The following INSL6 variants were observed in gnomAD, a reference collection of about 807,000 sequenced individuals.
The protein encoded by INSL6 is insulin-like peptide INSL6.
Under a neutral mutation model 9.4 loss-of-function variants are expected in INSL6, and 16 were observed. That is an observed-to-expected ratio of 1.70 (90% CI 1.15 to 2.59). INSL6 has a LOEUF of 2.59. Ranked by LOEUF, INSL6 falls within the 30% of genes most tolerant of loss-of-function variation. The probability of loss-of-function intolerance (pLI) is 0.00; values close to 1 mark genes in which losing one functional copy is unlikely to be tolerated. For missense variants in INSL6, 391 were observed against 257.3 expected (o/e 1.52, Z -3.56); for synonymous variants, 154 against 96.9 (o/e 1.59, Z -3.46).
At chr9:5,128,816 A>G (rs1471765381) in intron 3 of INSL6, among the ~76,000 whole-genome samples, 1 of 152,030 alleles carries the variant, frequency 6.6e-6, no homozygotes, top group Non-Finnish European at 1.5e-5. Context: ...TGTACAAGAA[A>G]CAGGTAAGTA....
At chr9:5,065,234 T>C in the INSL6 span, among the ~76,000 whole-genome samples, 1 of 152,352 alleles carries the variant, frequency 6.6e-6, no homozygotes, top group South Asian at 2.1e-4. Flanking sequence ...TGTATCCCAA[T>C]CTATAATATT....
chr9:5,083,864 G>T, the INSL6 span, among the ~76,000 whole-genome samples: 1 of 152,080 alleles, frequency 6.6e-6, no homozygotes, highest in Non-Finnish European at 1.5e-5. Flanking sequence ...TCCATTTGTT[G>T]TAGTCTCTGC....
chr9:4,994,469 G>A, the INSL6 span, among the ~76,000 whole-genome samples: 1 of 152,162 alleles, frequency 6.6e-6, no homozygotes, highest in Non-Finnish European at 1.5e-5. Flanking sequence ...CAGGTGATCT[G>A]ATAATGTTGA....
At chr9:5,030,226 G>A in the INSL6 span, among the ~76,000 whole-genome samples, 1 of 152,120 alleles carries the variant, frequency 6.6e-6, no homozygotes. Context: ...TTGCTGGTTT[G>A]TGCAGCGTTT....
chr9:5,155,073 G>C (rs202190102), intron 2 of INSL6, among the ~76,000 whole-genome samples: 3 of 151,472 alleles, frequency 2.0e-5, no homozygotes, highest in Non-Finnish European at 2.9e-5. Flanking sequence ...TTGGAACCAA[G>C]CCAAATGTCC....
the INSL6 span, chr9:5,069,197 C>T: frequency 1.3e-6 from 2 of 1,599,702 alleles, no homozygotes; most frequent in Non-Finnish European, 8.5e-7. Context: ...TGCTGTCCCC[C>T]AAAGCCAAAA....
chr9:5,085,337 T>G, the INSL6 span: 11 of 867,594 alleles, frequency 1.3e-5, no homozygotes, highest in Admixed American at 5.2e-5. Context: ...TGAAAAGCTA[T>G]TCCTACATTT....
chr9:5,085,189 A>G, the INSL6 span: 2 of 656,404 alleles, frequency 3.0e-6, no homozygotes, highest in South Asian at 1.4e-5. Context: ...GAACCATCTC[A>G]TGATCATAGC....
chr9:5,121,386 C>T (rs1253715230), downstream of INSL6, among the ~76,000 whole-genome samples: 2 of 152,154 alleles, frequency 1.3e-5, no homozygotes, highest in Non-Finnish European at 2.9e-5. Flanking sequence ...TTGCCACATA[C>T]GTAGTTTATT....
At chr9:5,112,338 G>A in the INSL6 span, 1 of 325,758 alleles carries the variant, frequency 3.1e-6, no homozygotes, top group Non-Finnish European at 5.9e-6. Flanking sequence ...GACCTCTCTT[G>A]GCCTTCCGAC....
At position 5,185,342 on chromosome 9, in the gene INSL6, G is replaced by A. The variant is rs151227734; in HGVS notation, c.261C>T (p.Ser87=). Residue 87 remains serine, a synonymous_variant, in exon 1 of 2, where the codon TCC becomes TCT. Coordinates refer to ENST00000381641, the MANE Select transcript of INSL6 (RefSeq NM_007179.3). ...PYQFESPQTA[S]PARGRGTNPV... ...GGTTTGTGCCTCTTCCCCGGGCCGG[G>A]GAAGCGGTTTGCGGGCTTTCGAACT... 1 of 1,614,102 alleles carries A rather than the reference G, an allele frequency of 6.2e-7. No individual in the cohort carries two copies.
At chr9:5,162,791 G>T (rs1824954892), downstream of INSL6, among the ~76,000 whole-genome samples, 1 of 152,140 alleles carries the variant, frequency 6.6e-6, no homozygotes, top group South Asian at 2.1e-4. Flanking sequence ...AATTAACAAA[G>T]CCAAATAGAA....
the INSL6 span, among the ~76,000 whole-genome samples, chr9:5,053,152 CTG>C: frequency 3.3e-5 from 5 of 152,000 alleles, no homozygotes; most frequent in Non-Finnish European, 5.9e-5. Flanking sequence ...TTGTTTCTGT[CTG>C]TATTTTATCC....
chr9:5,025,163 A>T, the INSL6 span, among the ~76,000 whole-genome samples: 1 of 151,894 alleles, frequency 6.6e-6, no homozygotes, highest in African/African-American at 2.4e-5. Flanking sequence ...TTTCTGGGAG[A>T]AGGATAGGTC....
chr9:5,068,939 C>T, the INSL6 span: 2 of 761,586 alleles, frequency 2.6e-6, no homozygotes, highest in East Asian at 5.4e-5. Context: ...GTTGCTTGTT[C>T]TTGTGATATC....
chr9:5,074,047 T>G, the INSL6 span, among the ~76,000 whole-genome samples: 6 of 152,178 alleles, frequency 3.9e-5, no homozygotes, highest in African/African-American at 1.4e-4. Flanking sequence ...ACATTTTGTG[T>G]TCATGATAGC....
At position 5,164,097 on chromosome 9, in the gene INSL6, T is replaced by C; in HGVS notation, c.458A>G (p.Asn153Ser). 6.2e-7 allele frequency: 1 copy of C among 1,612,898 alleles called. No homozygotes were observed. The highest frequency in any genetic ancestry group is 1.1e-5 in the South Asian group (1 of 90,638). The part of the protein sequence containing the change: ...ENAKFQKKRR[N>S]KIKTLSNLFW... ...CAAATTGCTTAAGGTTTTAATTTTGTTTCTACGTTTCTTCTGAAATTTTGC... is the reference window on the plus strand; with the variant it reads ...CAAATTGCTTAAGGTTTTAATTTTGCTTCTACGTTTCTTCTGAAATTTTGC... Residue 153 changes from asparagine to serine, a missense_variant, in exon 2 of 2, where the codon AAC becomes AGC. Coordinates refer to ENST00000381641, the MANE Select transcript of INSL6 (RefSeq NM_007179.3).
downstream of INSL6, among the ~76,000 whole-genome samples, chr9:5,121,659 A>G (rs1823623351): frequency 6.6e-6 from 1 of 152,222 alleles, no homozygotes; most frequent in South Asian, 2.1e-4. Context: ...AGAGATTTTT[A>G]AAAGATTTAC....
chr9:5,152,539 A>G (rs1824731568), intron 2 of INSL6, among the ~76,000 whole-genome samples: 1 of 152,226 alleles, frequency 6.6e-6, no homozygotes, highest in Non-Finnish European at 1.5e-5. Context: ...TAAAGCTGTG[A>G]GTACAGTGAA....
Sources: allele counts gnomAD v4.1 joint callset (sites outside exome capture counted in the v4.1 genomes callset), GRCh38; gene constraint gnomAD v4.1.1; transcripts MANE v1.5; gene names NCBI Gene and HGNC (gene_info 2026-07-23, HGNC 2026-07-21).